The following PLCG2 variants were observed in gnomAD, a reference collection of about 807,000 sequenced individuals.
PLCG2 encodes the protein 1-phosphatidylinositol 4,5-bisphosphate phosphodiesterase gamma-2.
Under a neutral mutation model 175.6 loss-of-function variants are expected in PLCG2, and 69 were observed. The ratio of observed to expected loss-of-function variants is 0.39; its 90% confidence interval spans 0.32 to 0.48. PLCG2 has a LOEUF of 0.48. PLCG2 is among the 20% of genes least tolerant of loss of function. The pLI is 0.91. For missense variants in PLCG2, 1,798 were observed against 1,650.9 expected, an observed-to-expected ratio of 1.09 and a Z score of -1.54; for synonymous variants, 827 against 624.0, an observed-to-expected ratio of 1.33 and a Z score of -4.85.
chr16:81,923,628 G>A, intron 22 of PLCG2, 34 bp downstream of exon 22: 1 of 1,339,866 alleles, frequency 7.5e-7, no homozygotes. Flanking sequence ...TGCTCGGCAG[G>A]TGGGCTTGAC....
At chr16:81,815,572 A>T (rs1196296570) in intron 2 of PLCG2, among the ~76,000 whole-genome samples, 1 of 152,152 alleles carries the variant, frequency 6.6e-6, no homozygotes, top group East Asian at 1.9e-4. Flanking sequence ...GTTGTTCTGA[A>T]GTTCTCCTGG....
At chr16:81,950,345 T>A (rs1416941504) in intron 31 of PLCG2, among the ~76,000 whole-genome samples, 1 of 152,190 alleles carries the variant, frequency 6.6e-6, no homozygotes, top group African/African-American at 2.4e-5. Context: ...GAACAATATG[T>A]GATGATAAAA....
intron 5 of PLCG2, among the ~76,000 whole-genome samples, chr16:81,862,809 C>G (rs1233032837): frequency 6.6e-6 from 1 of 152,032 alleles, no homozygotes. Context: ...GAGGTCAAGG[C>G]TGCAGTGAAC....
chr16:81,754,535 C>G (rs73604566), intron 1 of PLCG2, among the ~76,000 whole-genome samples: 3,561 of 140,542 alleles, frequency 0.025, 186 homozygotes, highest in African/African-American at 0.091. Flanking sequence ...TACCTTGTAC[C>G]AAGCTGGGTG....
chr16:81,774,475 G>A (rs541955148), upstream of PLCG2, among the ~76,000 whole-genome samples: 83 of 152,336 alleles, frequency 5.4e-4, no homozygotes, highest in African/African-American at 1.9e-3. Context: ...CCCATTCTGG[G>A]TGGTACTTCC....
intron 24 of PLCG2, among the ~76,000 whole-genome samples, chr16:81,929,303 A>G (rs114882834): frequency 0.017 from 2,556 of 152,314 alleles, 70 homozygotes; most frequent in African/African-American, 0.059. Flanking sequence ...CTCCCTGGGC[A>G]GGCACGGGCA....
At chr16:81,868,271 G>T (rs1907343987) in intron 5 of PLCG2, among the ~76,000 whole-genome samples, 1 of 152,198 alleles carries the variant, frequency 6.6e-6, no homozygotes, top group South Asian at 2.1e-4. Flanking sequence ...CTGGCACACA[G>T]TAGGTGCTCA....
chr16:81,930,262 A>G (rs979690399), intron 24 of PLCG2, among the ~76,000 whole-genome samples: 1 of 152,174 alleles, frequency 6.6e-6, no homozygotes, highest in Non-Finnish European at 1.5e-5. Flanking sequence ...AGCTACTAAT[A>G]TTATTTGGCA....
chr16:81,752,585 G>A (rs534224023), intron 1 of PLCG2, among the ~76,000 whole-genome samples: 44 of 152,294 alleles, frequency 2.9e-4, no homozygotes, highest in African/African-American at 1.1e-3. Flanking sequence ...AGGTCTCTGT[G>A]AGCCCCCAAA....
intron 21 of PLCG2, among the ~76,000 whole-genome samples, chr16:81,922,122 G>T (rs1910085706): frequency 6.6e-6 from 1 of 152,174 alleles, no homozygotes; most frequent in Non-Finnish European, 1.5e-5. Context: ...GCAAGTAGAG[G>T]CTGCTCTGTT....
At chr16:81,900,384 G>A (rs952226162) in intron 13 of PLCG2, among the ~76,000 whole-genome samples, 12 of 152,236 alleles carry the variant, frequency 7.9e-5, no homozygotes, top group African/African-American at 2.9e-4. Flanking sequence ...GTGCATTCTG[G>A]GGTATGGGGA....
chr16:81,830,638 A>T (rs934263308), intron 2 of PLCG2, among the ~76,000 whole-genome samples: 1 of 141,676 alleles, frequency 7.1e-6, no homozygotes, highest in African/African-American at 2.9e-5. Flanking sequence ...ACAACAAAAA[A>T]ATGTGTGGGG....
Position 81,958,240 on chromosome 16 carries a change from A to C in PLCG2, c.*242A>C. 1 of 526,464 alleles carries C rather than the reference A, an allele frequency of 1.9e-6. No individual in the cohort carries two copies. Among genetic ancestry groups the C allele is most frequent in the East Asian group, 3.1e-5 (1 of 32,738 alleles). 32.6% of individuals were successfully genotyped at this position (526,464 alleles called of 1,614,324 possible). A position where few individuals can be genotyped will look rare whatever the true frequency, so the allele number is the denominator to read the frequency against. On this transcript the variant is annotated 3_prime_UTR_variant, in exon 33 of 33. Transcript: ENST00000564138. Reference sequence around the variant, plus strand: ...GAGGATTCCCCAAAATGTGCTCCTCATTTTTGGCCTCTCATGTTCCAAACC... The same window carrying C: ...GAGGATTCCCCAAAATGTGCTCCTCCTTTTTGGCCTCTCATGTTCCAAACC...
rs1909578095 is a variant in PLCG2 at position 81,910,621 on chromosome 16, C to T, written c.1835C>T (p.Ala612Val). Residue 612 changes from alanine (A) to valine (V), a missense_variant, in exon 18 of 33, where the codon GCC becomes GTC. Physicochemically the swap from Ala to Val is moderately conservative, Grantham distance 64. Coordinates refer to ENST00000564138, the MANE Select transcript of PLCG2 (RefSeq NM_002661.5). The part of the protein sequence containing the change: ...TDNLTFSSIY[A>V]LIQHYRETHL... ...AACCTCACCTTCAGCAGCATCTATG[C>T]CCTCATCCAGCACTACCGCGAGACG... 1 of 1,613,974 alleles carries T rather than the reference C, an allele frequency of 6.2e-7. No homozygotes were observed. Among genetic ancestry groups the T allele is most frequent in the Non-Finnish European group, 8.5e-7 (1 of 1,179,980 alleles).
chr16:81,769,605 G>C (rs1207098452), intron 2 of PLCG2, among the ~76,000 whole-genome samples: 5 of 151,950 alleles, frequency 3.3e-5, no homozygotes, highest in Non-Finnish European at 2.9e-5. Flanking sequence ...ACGAGGTCAG[G>C]AGATCGAGAC....
intron 2 of PLCG2, among the ~76,000 whole-genome samples, chr16:81,764,117 A>C (rs1234553756): frequency 1.3e-5 from 2 of 151,864 alleles, no homozygotes; most frequent in African/African-American, 4.8e-5. Context: ...ACATGGTGAG[A>C]CCCCATTTCT....
rs536437839 is a variant in PLCG2 at position 81,917,101 on chromosome 16, G to A, written c.2055-2383G>A. On this transcript the variant is annotated intron_variant, in intron 19 of 32. Coordinates refer to ENST00000564138, the MANE Select transcript of PLCG2 (RefSeq NM_002661.5). Reference sequence around the variant, plus strand: ...AACCACCATTCTACTCTCCACTTCCGTGAGTTTAAACCTTTTTAGGTTTCA... The same window carrying A: ...AACCACCATTCTACTCTCCACTTCCATGAGTTTAAACCTTTTTAGGTTTCA... 2.6e-5 allele frequency among the ~76,000 whole-genome samples: 4 copies of A among 152,164 alleles called. No individual in the cohort carries two copies. The East Asian group carries it at 7.7e-4, about 29-fold the overall frequency.
intron 2 of PLCG2, among the ~76,000 whole-genome samples, chr16:81,759,648 C>G (rs1424188494): frequency 6.6e-6 from 1 of 152,210 alleles, no homozygotes; most frequent in African/African-American, 2.4e-5. Context: ...GTCATCCAAA[C>G]TCCTCCTAGG....
intron 11 of PLCG2, among the ~76,000 whole-genome samples, chr16:81,892,479 G>A (rs1483429077): frequency 6.6e-6 from 1 of 152,056 alleles, no homozygotes; most frequent in African/African-American, 2.4e-5. Context: ...GGGGTCATCT[G>A]GGAAAAGGCT....
Sources: gnomAD v4.1 joint callset for allele counts (sites outside exome capture counted in the v4.1 genomes callset) on GRCh38, gnomAD v4.1.1 for gene constraint, MANE v1.5 for transcripts, NCBI Gene and HGNC (gene_info 2026-07-23, HGNC 2026-07-21) for gene names.